LRRC8D: variants seen among roughly 807,000 people sequenced by gnomAD.
The protein encoded by LRRC8D is volume-regulated anion channel subunit LRRC8D.
LRRC8D carries 20 observed loss-of-function variants against 55.8 expected under a neutral mutation model. The ratio of observed to expected loss-of-function variants is 0.36; its 90% CI spans 0.25 to 0.52. LRRC8D has a LOEUF of 0.52. Among genes scored for constraint, LRRC8D ranks in the 20% least tolerant of loss-of-function variants. LRRC8D has a pLI of 0.93. For missense variants in LRRC8D, 651 were observed against 1,030.8 expected, an observed-to-expected ratio of 0.63 and a Z score of 5.05; for synonymous variants, 352 against 377.0, an observed-to-expected ratio of 0.93 and a Z score of 0.77.
intron 2 of LRRC8D, among the ~76,000 whole-genome samples, chr1:89,883,813 C>T (rs1208797251): frequency 6.6e-6 from 1 of 152,222 alleles, no homozygotes; most frequent in Non-Finnish European, 1.5e-5. Context: ...TAATTACCTC[C>T]TTTGTAAAAC....
chr1:89,930,450 C>T (rs1160306711), intron 2 of LRRC8D, among the ~76,000 whole-genome samples: 4 of 152,122 alleles, frequency 2.6e-5, no homozygotes, highest in Admixed American at 6.6e-5. Context: ...CCTCGGCCTC[C>T]CAAAGTGCTG....
intron 2 of LRRC8D, among the ~76,000 whole-genome samples, chr1:89,855,633 C>G (rs1404599371): frequency 6.6e-6 from 1 of 152,106 alleles, no homozygotes; most frequent in Non-Finnish European, 1.5e-5. Context: ...AAAAATGCAC[C>G]CTTTTAGCTG....
At chr1:89,916,865 C>T (rs1403979672) in intron 2 of LRRC8D, among the ~76,000 whole-genome samples, 1 of 152,132 alleles carries the variant, frequency 6.6e-6, no homozygotes, top group Non-Finnish European at 1.5e-5. Flanking sequence ...ATTCAATGAG[C>T]GGGCCTACCA....
At chr1:89,900,525 A>G (rs76689508) in intron 2 of LRRC8D, among the ~76,000 whole-genome samples, 3 of 151,340 alleles carry the variant, frequency 2.0e-5, no homozygotes, top group African/African-American at 7.4e-5. Flanking sequence ...AAAAAAAAAA[A>G]CTGACTAAAA....
At chr1:89,882,848 C>G (rs973929011) in intron 2 of LRRC8D, among the ~76,000 whole-genome samples, 1 of 152,088 alleles carries the variant, frequency 6.6e-6, no homozygotes, top group Non-Finnish European at 1.5e-5. Flanking sequence ...AAGAGGCATG[C>G]CAAACACCAG....
chr1:89,828,152 C>T (rs1245539409), intron 1 of LRRC8D, among the ~76,000 whole-genome samples: 1 of 152,172 alleles, frequency 6.6e-6, no homozygotes, highest in East Asian at 1.9e-4. Flanking sequence ...TTGTGGCCAG[C>T]AAGCCCATCA....
chr1:89,895,618 C>T (rs145345496), intron 2 of LRRC8D, among the ~76,000 whole-genome samples: 2 of 152,060 alleles, frequency 1.3e-5, no homozygotes, highest in Non-Finnish European at 2.9e-5. Context: ...ATTAAAATAT[C>T]TTCAAGTTTC....
Position 89,900,317 on chromosome 1 carries a change from C to A in LRRC8D, c.-2-32750C>A, listed in dbSNP as rs556640842. The stretch of plus-strand genomic sequence containing the variant: ...AATGCTGATGGTGTTTTATTCAATT[C>A]TTGCTTTCCCCTGGGAGAAATGACT... On this transcript the variant is annotated intron_variant, in intron 2 of 2. Coordinates refer to ENST00000337338, the MANE Select transcript of LRRC8D (RefSeq NM_001134479.2). Among the ~76,000 whole-genome samples, 24 of 152,114 alleles carry A rather than the reference C, an allele frequency of 1.6e-4. No homozygotes were observed. In the South Asian group the frequency reaches 3.7e-3, roughly 24 times the overall value.
chr1:89,843,552 GCCTCCCCGCCGCCCTGCACTCCTT>G, intron 1 of LRRC8D, 62 bp from the exon 2 acceptor site: 1 of 685,472 alleles, frequency 1.5e-6, no homozygotes, highest in South Asian at 1.5e-5. Context: ...CCCTGGTCTT[GCCTCCCCGCCGCCCTGCACTCCTT>G]CCTCCCCGCT....
chr1:89,889,220 C>G (rs1346311598), intron 2 of LRRC8D, among the ~76,000 whole-genome samples: 5 of 152,124 alleles, frequency 3.3e-5, no homozygotes, highest in Non-Finnish European at 7.3e-5. Flanking sequence ...ATGAGAAAAG[C>G]ATGAGACTAA....
intron 2 of LRRC8D, among the ~76,000 whole-genome samples, chr1:89,896,735 CT>C (rs550680044): frequency 1.6e-3 from 245 of 152,294 alleles, no homozygotes; most frequent in African/African-American, 5.6e-3. Flanking sequence ...AATAATTACT[CT>C]TTCTTTCTCC....
rs74098618 is a variant in LRRC8D, at chr1:89,887,966, A to C, written c.-3+44184A>C. The stretch of plus-strand genomic sequence containing the variant: ...GTTTATTATCTGATGCCACAGGAGA[A>C]AACAGAAAAGATGTAAAAAGGCACC... On this transcript the variant is annotated intron_variant, in intron 2 of 2. Coordinates refer to ENST00000337338, the MANE Select transcript of LRRC8D (RefSeq NM_001134479.2). 7.2e-3 allele frequency among the ~76,000 whole-genome samples: 1,101 copies of C among 152,318 alleles called. 12 individuals are homozygous for C. Among genetic ancestry groups the C allele is most frequent in the African/African-American group, 0.026 (1,070 of 41,554 alleles).
intron 1 of LRRC8D, among the ~76,000 whole-genome samples, chr1:89,842,586 A>G (rs572679766): frequency 1.4e-4 from 21 of 152,358 alleles, no homozygotes; most frequent in African/African-American, 4.8e-5. Context: ...CAACAGCTTG[A>G]TAATAAAAGG....
rs74098622 is a variant in LRRC8D at position 89,888,518 on chromosome 1, A to G, written c.-2-44549A>G. ...ATATACACAAGTTAGTACGCACACAATTTCTTCGCTGTGTCACCTGAGAGA... is the reference window on the plus strand; with the variant it reads ...ATATACACAAGTTAGTACGCACACAGTTTCTTCGCTGTGTCACCTGAGAGA... On this transcript the variant is annotated intron_variant, in intron 2 of 2. Transcript: ENST00000337338. 4.1e-4 allele frequency among the ~76,000 whole-genome samples: 63 copies of G among 152,308 alleles called. 1 individual carries two copies. Among genetic ancestry groups the G allele is most frequent in the African/African-American group, 1.5e-3 (62 of 41,560 alleles).
intron 2 of LRRC8D, among the ~76,000 whole-genome samples, chr1:89,883,619 C>A (rs1662337652): frequency 6.6e-6 from 1 of 152,020 alleles, no homozygotes; most frequent in African/African-American, 2.4e-5. Context: ...TTTAAGGCTG[C>A]TGTTAAAATC....
chr1:89,828,616 T>G (rs1363514701), intron 1 of LRRC8D, among the ~76,000 whole-genome samples: 1 of 152,200 alleles, frequency 6.6e-6, no homozygotes, highest in Non-Finnish European at 1.5e-5. Context: ...TTTGACATTT[T>G]ACTGGCCTGT....
Position 89,934,470 on chromosome 1 carries a change from GC to G in LRRC8D, c.1405del (p.Gln469ArgfsTer27). On this transcript the variant is annotated frameshift_variant, in exon 3 of 3. Transcript: ENST00000337338. LOFTEE classifies it high-confidence loss of function. The surrounding 1 kb of genome is among the most constrained non-coding windows in gnomAD (Gnocchi z 5.9). ...EKLRQHISRN[A>X]QDKQELHLFM... ...ACTCAGGCAGCACATTTCACGCAAC[GC>G]CCAGGACAAGCAGGAGTTGCATCTG... 6.2e-7 allele frequency: 1 copy of G among 1,614,096 alleles called. No homozygotes were observed. Among genetic ancestry groups the G allele is most frequent in the Non-Finnish European group, 8.5e-7 (1 of 1,180,022 alleles).
intron 2 of LRRC8D, among the ~76,000 whole-genome samples, chr1:89,895,594 A>G (rs1662687479): frequency 6.6e-6 from 1 of 152,162 alleles, no homozygotes; most frequent in Non-Finnish European, 1.5e-5. Flanking sequence ...CAAATTTGAC[A>G]TGTACTTTTA....
chr1:89,918,622 C>T (rs1175338898), intron 2 of LRRC8D, among the ~76,000 whole-genome samples: 1 of 152,222 alleles, frequency 6.6e-6, no homozygotes, highest in African/African-American at 2.4e-5. Flanking sequence ...CACCTGCCCT[C>T]TGCTTAGTTC....
Sources: allele counts gnomAD v4.1 joint callset (sites outside exome capture counted in the v4.1 genomes callset), GRCh38; gene constraint gnomAD v4.1.1; non-coding constraint Gnocchi (gnomAD v3.1); transcripts MANE v1.5; gene names NCBI Gene and HGNC (gene_info 2026-07-23, HGNC 2026-07-21).